The following RGS7 variants were observed in gnomAD, a reference collection of about 807,000 sequenced individuals.
The protein encoded by RGS7 is regulator of G-protein signaling 7.
Under a neutral mutation model 81.1 loss-of-function variants are expected in RGS7, and 27 were observed. The observed-to-expected ratio is 0.33, with a 90% CI of 0.25 to 0.46. The LOEUF (loss-of-function observed/expected upper bound fraction) is 0.46. RGS7 is among the 20% of genes least tolerant of loss of function. The pLI is 1.00. For synonymous variants in RGS7, 208 were observed against 207.7 expected, an observed-to-expected ratio of 1.00 and a Z score of -0.01; for missense variants, 396 against 607.4, an observed-to-expected ratio of 0.65 and a Z score of 3.66.
intron 2 of RGS7, among the ~76,000 whole-genome samples, chr1:241,128,399 C>T (rs560389907): frequency 4.0e-4 from 61 of 152,064 alleles, no homozygotes; most frequent in African/African-American, 1.4e-3. Context: ...GCCTGGCCAA[C>T]ATGGTAAAAC....
chr1:240,934,714 G>T (rs1476674203), intron 5 of RGS7, among the ~76,000 whole-genome samples: 2 of 151,750 alleles, frequency 1.3e-5, no homozygotes, highest in Non-Finnish European at 2.9e-5. Context: ...TTTTATATCT[G>T]CCTATCTATC....
intron 3 of RGS7, among the ~76,000 whole-genome samples, chr1:241,096,576 G>A (rs922557286): frequency 1.3e-5 from 2 of 152,160 alleles, no homozygotes; most frequent in African/African-American, 4.8e-5. Flanking sequence ...AGCTACCACT[G>A]TTATTTTACA....
rs199942995 is a variant in RGS7, at chr1:240,868,117, G to A, written c.609+470C>T. Among the ~76,000 whole-genome samples, 35 of 122,496 alleles carry A rather than the reference G, an allele frequency of 2.9e-4. No homozygotes were observed. The highest frequency in any genetic ancestry group is 1.2e-3 in the African/African-American group (30 of 24,790). 80.4% of individuals were successfully genotyped at this position (122,496 alleles called of 152,430 possible). On this transcript the variant is annotated intron_variant, in intron 9 of 18. Coordinates refer to ENST00000440928, the MANE Select transcript of RGS7 (RefSeq NM_001364886.1). The surrounding 1 kb of genome is among the most constrained non-coding windows in gnomAD (Gnocchi z 5.1). ...GAAAAGAAAAAGAAAGAAAAGAAAAGGAAAGAAAGAAAGAAAGAAAGAAAG... is the reference window on the plus strand; with the variant it reads ...GAAAAGAAAAAGAAAGAAAAGAAAAAGAAAGAAAGAAAGAAAGAAAGAAAG...
chr1:241,146,884 T>C (rs1045652030), intron 2 of RGS7, among the ~76,000 whole-genome samples: 3 of 152,182 alleles, frequency 2.0e-5, no homozygotes, highest in Admixed American at 6.5e-5. Context: ...GTGTGGGCAC[T>C]AATCTCATTC....
intron 3 of RGS7, among the ~76,000 whole-genome samples, chr1:241,003,359 G>A (rs1338783680): frequency 6.6e-6 from 1 of 151,794 alleles, no homozygotes; most frequent in African/African-American, 2.4e-5. Context: ...TACTCGGGAG[G>A]CTGAGGCAGG....
At chr1:241,031,280 G>T (rs181326226) in intron 3 of RGS7, among the ~76,000 whole-genome samples, 2 of 152,276 alleles carry the variant, frequency 1.3e-5, no homozygotes, top group East Asian at 3.9e-4. Flanking sequence ...CATCTGTGCT[G>T]CTGTAAAAGA....
chr1:240,810,702 G>A (rs141311165), intron 14 of RGS7, among the ~76,000 whole-genome samples: 8 of 152,176 alleles, frequency 5.3e-5, no homozygotes, highest in Admixed American at 1.3e-4. Flanking sequence ...CACCTGCCTC[G>A]GCTCCCAAAG....
intron 2 of RGS7, among the ~76,000 whole-genome samples, chr1:241,157,885 C>G (rs1003721645): frequency 3.0e-5 from 2 of 67,068 alleles, no homozygotes; most frequent in African/African-American, 1.3e-4. Context: ...GTGGTGCGAT[C>G]TGGGCTCACT....
intron 6 of RGS7, among the ~76,000 whole-genome samples, chr1:240,890,868 A>G (rs1408417716): frequency 6.6e-6 from 1 of 152,226 alleles, no homozygotes; most frequent in African/African-American, 2.4e-5. Flanking sequence ...ATCTCTGATC[A>G]AGGACAAATC....
chr1:241,202,126 G>A (rs2073566857), intron 2 of RGS7, among the ~76,000 whole-genome samples: 1 of 151,304 alleles, frequency 6.6e-6, no homozygotes, highest in Non-Finnish European at 1.5e-5. Context: ...AATTATCAAG[G>A]TTCTTACATT....
intron 4 of RGS7, among the ~76,000 whole-genome samples, chr1:240,943,895 G>A (rs999406064): frequency 1.8e-4 from 28 of 152,166 alleles, no homozygotes; most frequent in Admixed American, 7.8e-4. Flanking sequence ...CACGGGGACA[G>A]CAATCAGAAT....
chr1:240,982,999 T>C lies in RGS7; in HGVS notation c.226+80A>G, dbSNP rs571271502. ...TTTCAGGAGGTTTGCTTGCGTGCCA[T>C]ATTAAAATATCCCTGATGAAACATA... On this transcript the variant is annotated intron_variant, in intron 4 of 18. Transcript: ENST00000440928. 62 of 783,722 alleles carry C rather than the reference T, an allele frequency of 7.9e-5. 1 individual carries two copies. Among genetic ancestry groups the C allele is most frequent in the South Asian group, 4.8e-4 (32 of 66,248 alleles). The allele number at this position is 783,722 out of a possible 1,614,324, so 48.5% of individuals were successfully genotyped here. A position where few individuals can be genotyped will look rare whatever the true frequency, so the allele number is the denominator to read the frequency against.
chr1:241,249,752 C>T lies in RGS7; in HGVS notation c.78+105947G>A, dbSNP rs542845340. The stretch of plus-strand genomic sequence containing the variant: ...TAAGTATGTCTTAGAAACTCTTGGA[C>T]AAGTGAACAAGGAAATATACACAAG... On this transcript the variant is annotated intron_variant, in intron 2 of 18. Coordinates refer to ENST00000440928, the MANE Select transcript of RGS7 (RefSeq NM_001364886.1). 2.6e-5 allele frequency among the ~76,000 whole-genome samples: 4 copies of T among 152,176 alleles called. No homozygotes were observed. In the East Asian group the frequency reaches 7.7e-4, roughly 29 times the overall value.
At chr1:241,327,121 A>AG (rs1491575491) in intron 2 of RGS7, among the ~76,000 whole-genome samples, 17 of 111,482 alleles carry the variant, frequency 1.5e-4, no homozygotes, top group Non-Finnish European at 2.6e-4. Context: ...AAAGAAAGAA[A>AG]GAAAGAAAGA....
chr1:240,969,074 T>A (rs545704505), intron 4 of RGS7, among the ~76,000 whole-genome samples: 141 of 152,362 alleles, frequency 9.3e-4, no homozygotes, highest in African/African-American at 3.2e-3. Context: ...TGTCATTTTC[T>A]GAGTGGCTAC....
chr1:241,306,440 A>C lies in RGS7; in HGVS notation c.78+49259T>G, dbSNP rs182130296. On this transcript the variant is annotated intron_variant, in intron 2 of 18. Coordinates refer to ENST00000440928, the MANE Select transcript of RGS7 (RefSeq NM_001364886.1). ...ACACGTCCATACACCCTTTACACACACCCCCACACAGGCACATATGCACAC... is the reference window on the plus strand; with the variant it reads ...ACACGTCCATACACCCTTTACACACCCCCCCACACAGGCACATATGCACAC... 7.8e-4 allele frequency among the ~76,000 whole-genome samples: 110 copies of C among 140,856 alleles called. 1 individual carries two copies. Among genetic ancestry groups the C allele is most frequent in the African/African-American group, 2.7e-3 (101 of 37,080 alleles). 92.4% of individuals were successfully genotyped at this position (140,856 alleles called of 152,430 possible).
intron 9 of RGS7, among the ~76,000 whole-genome samples, chr1:240,841,454 G>A (rs1657972402): frequency 6.6e-6 from 1 of 152,136 alleles, no homozygotes; most frequent in Non-Finnish European, 1.5e-5. Context: ...CATCTCCACT[G>A]GGCTGTATTA....
chr1:240,892,579 T>C (rs1668450059), intron 6 of RGS7, among the ~76,000 whole-genome samples: 1 of 152,224 alleles, frequency 6.6e-6, no homozygotes, highest in Admixed American at 6.5e-5. Flanking sequence ...AAGTTGGGCC[T>C]AGGGGTTTCT....
At chr1:241,111,741 G>A (rs141529106) in intron 2 of RGS7, among the ~76,000 whole-genome samples, 6 of 152,270 alleles carry the variant, frequency 3.9e-5, no homozygotes, top group African/African-American at 1.4e-4. Context: ...GACTGATGGT[G>A]GGAAGAACAG....
Sources: gnomAD v4.1 joint callset for allele counts (sites outside exome capture counted in the v4.1 genomes callset) on GRCh38, gnomAD v4.1.1 for gene constraint, Gnocchi (gnomAD v3.1) non-coding constraint, MANE v1.5 for transcripts, NCBI Gene and HGNC (gene_info 2026-07-23, HGNC 2026-07-21) for gene names.